Variants in MACROD2 observed in about 807,000 individuals in gnomAD.
MACROD2 encodes the protein ADP-ribose glycohydrolase MACROD2.
A neutral mutation model predicts 70.4 loss-of-function variants in MACROD2; 36 were observed. That is an observed-to-expected ratio of 0.51 (90% CI 0.39 to 0.68). The LOEUF is 0.68. MACROD2 is among the 30% of genes least tolerant of loss of function. The probability of loss-of-function intolerance (pLI) is 0.00; values close to 1 mark genes in which losing one functional copy is unlikely to be tolerated. For missense variants in MACROD2, 496 were observed against 538.4 expected (o/e 0.92, Z 0.78); for synonymous variants, 172 against 178.8 (o/e 0.96, Z 0.30).
intron 3 of MACROD2, among the ~76,000 whole-genome samples, chr20:14,112,713 TA>T (rs1365942633): frequency 6.6e-6 from 1 of 151,990 alleles, no homozygotes; most frequent in Non-Finnish European, 1.5e-5. Flanking sequence ...ATTGTCTTAA[TA>T]TAATTGCACA....
chr20:14,475,666 A>G (rs1437295084), intron 3 of MACROD2, among the ~76,000 whole-genome samples: 2 of 152,022 alleles, frequency 1.3e-5, no homozygotes, highest in African/African-American at 4.8e-5. Context: ...TGGTGGATAC[A>G]GTATTTTTGG....
chr20:14,063,398 C>G (rs1305748845), intron 2 of MACROD2, among the ~76,000 whole-genome samples: 4 of 152,174 alleles, frequency 2.6e-5, no homozygotes, highest in Non-Finnish European at 5.9e-5. Context: ...CATTAATGAT[C>G]TATGCTCAAT....
chr20:14,724,598 T>C (rs1277043369), intron 5 of MACROD2, among the ~76,000 whole-genome samples: 1 of 152,192 alleles, frequency 6.6e-6, no homozygotes, highest in East Asian at 1.9e-4. Flanking sequence ...ATTTTTAAGC[T>C]GGGGCTTTAA....
At chr20:14,708,705 C>A (rs1436095002) in intron 5 of MACROD2, among the ~76,000 whole-genome samples, 2 of 152,164 alleles carry the variant, frequency 1.3e-5, no homozygotes, top group African/African-American at 4.8e-5. Flanking sequence ...GCAACCTCCC[C>A]CTCCCACGTT....
intron 5 of MACROD2, among the ~76,000 whole-genome samples, chr20:14,691,004 G>A (rs552465175): frequency 2.9e-4 from 44 of 152,230 alleles, no homozygotes; most frequent in African/African-American, 9.6e-4. Context: ...TGCAACCTCC[G>A]CCTCCTGGGC....
chr20:16,053,139 C>T lies in MACROD2; in HGVS notation c.*3263C>T, dbSNP rs905448522. The T allele has an allele frequency of 6.7e-6, 1 of 149,954 alleles. No individual in the cohort carries two copies. Among genetic ancestry groups the T allele is most frequent in the Non-Finnish European group, 1.5e-5 (1 of 67,566 alleles). The allele number at this position is 149,954 out of a possible 1,614,324, so 9.3% of individuals were successfully genotyped here. On this transcript the variant is annotated 3_prime_UTR_variant, in exon 18 of 18. Transcript: ENST00000684519. ...TACACTAAAAAACAACTGTTGCCTT[C>T]ATACTATATTTGTTAGAGCAGAATA...
intron 4 of MACROD2, among the ~76,000 whole-genome samples, chr20:14,540,493 A>G (rs2085419145): frequency 6.6e-6 from 1 of 152,138 alleles, no homozygotes; most frequent in Non-Finnish European, 1.5e-5. Context: ...AGTTTCTTTC[A>G]GAATGTGGTA....
chr20:14,916,184 G>A (rs374503497), intron 5 of MACROD2, among the ~76,000 whole-genome samples: 36 of 152,226 alleles, frequency 2.4e-4, no homozygotes, highest in Non-Finnish European at 3.4e-4. Context: ...ATCATGAAAC[G>A]CAGAGCTGTT....
intron 3 of MACROD2, among the ~76,000 whole-genome samples, chr20:14,239,957 T>C (rs2122231894): frequency 6.6e-6 from 1 of 152,270 alleles, no homozygotes; most frequent in Middle Eastern, 3.4e-3. Flanking sequence ...ATATCCGGAA[T>C]CTATAAAGAA....
chr20:14,224,140 C>T (rs566949345), intron 3 of MACROD2, among the ~76,000 whole-genome samples: 118 of 152,090 alleles, frequency 7.8e-4, no homozygotes, highest in Non-Finnish European at 9.1e-4. Context: ...AAAACACTTT[C>T]ACAGAAACAT....
At chr20:14,463,745 G>A (rs1600264055) in intron 3 of MACROD2, among the ~76,000 whole-genome samples, 1 of 151,848 alleles carries the variant, frequency 6.6e-6, no homozygotes, top group Non-Finnish European at 1.5e-5. Context: ...TAGCATGGAG[G>A]GTTTTTGAAT....
intron 4 of MACROD2, among the ~76,000 whole-genome samples, chr20:14,618,827 A>C (rs1476509817): frequency 6.6e-6 from 1 of 152,212 alleles, no homozygotes; most frequent in East Asian, 1.9e-4. Context: ...GAGATGCCCA[A>C]GAAATTCTAT....
intron 3 of MACROD2, among the ~76,000 whole-genome samples, chr20:14,271,164 G>A (rs2064181311): frequency 6.6e-6 from 1 of 152,232 alleles, no homozygotes; most frequent in African/African-American, 2.4e-5. Flanking sequence ...CACAGCTGGA[G>A]ATCTGAGAAC....
chr20:14,349,531 G>A (rs902827364), intron 3 of MACROD2, among the ~76,000 whole-genome samples: 2 of 146,426 alleles, frequency 1.4e-5, no homozygotes, highest in Non-Finnish European at 3.0e-5. Flanking sequence ...GTATCTATAT[G>A]GTTAATTAAT....
chr20:15,542,362 T>C (rs138271176), intron 8 of MACROD2, among the ~76,000 whole-genome samples: 97 of 152,350 alleles, frequency 6.4e-4, no homozygotes, highest in African/African-American at 2.2e-3. Context: ...ATAGTAGATA[T>C]GGTTGTCAAA....
intron 3 of MACROD2, among the ~76,000 whole-genome samples, chr20:14,389,316 G>A (rs181335458): frequency 2.5e-3 from 381 of 151,680 alleles, no homozygotes; most frequent in Non-Finnish European, 4.7e-3. Context: ...CAGCTACTCG[G>A]GAGGCTGCGG....
intron 5 of MACROD2, among the ~76,000 whole-genome samples, chr20:14,828,327 C>CA (rs1424323050): frequency 6.6e-6 from 1 of 152,088 alleles, no homozygotes; most frequent in Non-Finnish European, 1.5e-5. Context: ...ATGAAAGAGG[C>CA]AAAAGGTTAT....
chr20:14,021,190 C>T (rs889917871), intron 2 of MACROD2, among the ~76,000 whole-genome samples: 7 of 152,068 alleles, frequency 4.6e-5, no homozygotes, highest in Non-Finnish European at 8.8e-5. Flanking sequence ...GCGGTTTCAC[C>T]GTGTTAGCCA....
intron 5 of MACROD2, among the ~76,000 whole-genome samples, chr20:14,976,488 G>A (rs1487557276): frequency 6.6e-6 from 1 of 152,024 alleles, no homozygotes; most frequent in Non-Finnish European, 1.5e-5. Context: ...GATAACACTG[G>A]GCCCACCTGT....
Sources: allele counts gnomAD v4.1 joint callset (sites outside exome capture counted in the v4.1 genomes callset), GRCh38; gene constraint gnomAD v4.1.1; transcripts MANE v1.5; gene names NCBI Gene and HGNC (gene_info 2026-07-23, HGNC 2026-07-21).